The following SORCS3 variants were observed in gnomAD, a reference collection of about 807,000 sequenced individuals.
SORCS3 encodes the protein VPS10 domain-containing receptor SorCS3.
SORCS3 carries 57 observed loss-of-function variants against 146.3 expected under a neutral mutation model. The ratio of observed to expected loss-of-function variants is 0.39; its 90% CI spans 0.31 to 0.49. The LOEUF (loss-of-function observed/expected upper bound fraction) is 0.49. Ranked by LOEUF, SORCS3 falls within the 20% of genes least tolerant of loss-of-function variation. The pLI is 0.92. For synonymous variants in SORCS3, 653 were observed against 618.5 expected (o/e 1.06, Z -0.83); for missense variants, 1,341 against 1,575.5 (o/e 0.85, Z 2.52).
chr10:104,918,003 C>T (rs577079620), intron 3 of SORCS3, among the ~76,000 whole-genome samples: 15 of 152,124 alleles, frequency 9.9e-5, no homozygotes, highest in Non-Finnish European at 1.5e-4. Context: ...ACCCAGTAGT[C>T]GAATTGCTTG....
rs200621552 is a variant in SORCS3, at chr10:105,019,118, C to T, written c.955-23937C>T. 3.9e-5 allele frequency among the ~76,000 whole-genome samples: 6 copies of T among 152,196 alleles called. No individual in the cohort carries two copies. The East Asian group carries it at 1.2e-3, about 29-fold the overall frequency. On this transcript the variant is annotated intron_variant, in intron 4 of 26. Coordinates refer to ENST00000369701, the MANE Select transcript of SORCS3 (RefSeq NM_014978.3). ...GTGGCTTGCTAATTCTTCAGATGTCCCTCTTTGCCTCTTCCATTTAAGCTT... is the reference window on the plus strand; with the variant it reads ...GTGGCTTGCTAATTCTTCAGATGTCTCTCTTTGCCTCTTCCATTTAAGCTT...
intron 6 of SORCS3, among the ~76,000 whole-genome samples, chr10:105,100,713 T>C (rs1037415224): frequency 1.3e-5 from 2 of 152,260 alleles, no homozygotes; most frequent in African/African-American, 4.8e-5. Context: ...GATATCATGG[T>C]CTTTCAATTC....
intron 1 of SORCS3, among the ~76,000 whole-genome samples, chr10:104,673,419 CGTGTGTGTGTGT>C (rs61501873): frequency 6.8e-6 from 1 of 146,006 alleles, no homozygotes; most frequent in Non-Finnish European, 1.5e-5. Context: ...TTCTTATTTC[CGTGTGTGTGTGT>C]GTGTGTGTGT....
At chr10:104,828,447 T>C (rs2017963590) in intron 1 of SORCS3, among the ~76,000 whole-genome samples, 1 of 152,138 alleles carries the variant, frequency 6.6e-6, no homozygotes, top group East Asian at 1.9e-4. Context: ...CTGTTTTATA[T>C]GGGCATGGTT....
chr10:104,711,777 G>C (rs1206673405), intron 1 of SORCS3, among the ~76,000 whole-genome samples: 2 of 152,346 alleles, frequency 1.3e-5, no homozygotes, highest in East Asian at 3.9e-4. Context: ...CTGAGTCCAG[G>C]GTATTGTGGC....
intron 20 of SORCS3, among the ~76,000 whole-genome samples, chr10:105,244,150 A>G (rs2056852408): frequency 2.0e-5 from 3 of 152,112 alleles, no homozygotes; most frequent in Admixed American, 2.0e-4. Context: ...ACAGTAGAGA[A>G]TTTGAGAGGG....
chr10:104,715,713 T>C (rs1277322705), intron 1 of SORCS3, among the ~76,000 whole-genome samples: 1 of 152,208 alleles, frequency 6.6e-6, no homozygotes, highest in Non-Finnish European at 1.5e-5. Context: ...AACATAGTAG[T>C]AGAAAACTAT....
chr10:104,987,619 A>C (rs547380031), intron 4 of SORCS3, among the ~76,000 whole-genome samples: 4 of 152,116 alleles, frequency 2.6e-5, no homozygotes, highest in African/African-American at 9.6e-5. Flanking sequence ...TCCTTTTAGA[A>C]CTCTGAAATT....
At chr10:105,138,021 C>T (rs757178587) in intron 7 of SORCS3, among the ~76,000 whole-genome samples, 1 of 152,194 alleles carries the variant, frequency 6.6e-6, no homozygotes, top group Non-Finnish European at 1.5e-5. Flanking sequence ...ACACCCACCT[C>T]TAAGCCAACA....
intron 4 of SORCS3, among the ~76,000 whole-genome samples, chr10:105,003,303 A>G (rs1460412454): frequency 6.6e-6 from 1 of 152,166 alleles, no homozygotes; most frequent in Non-Finnish European, 1.5e-5. Flanking sequence ...GGAGCAGTGG[A>G]CAGCCTGTTC....
intron 1 of SORCS3, among the ~76,000 whole-genome samples, chr10:104,703,906 A>G (rs948954537): frequency 1.3e-5 from 2 of 151,756 alleles, no homozygotes; most frequent in South Asian, 2.1e-4. Flanking sequence ...ATTTTGAAAC[A>G]TTGTCAGCAA....
chr10:104,685,896 A>G (rs2016037897), intron 1 of SORCS3, among the ~76,000 whole-genome samples: 1 of 152,172 alleles, frequency 6.6e-6, no homozygotes, highest in Non-Finnish European at 1.5e-5. Context: ...GAACTGAGAT[A>G]GGATAAGTTT....
chr10:105,153,992 C>A (rs2056187175), intron 9 of SORCS3, among the ~76,000 whole-genome samples: 1 of 145,130 alleles, frequency 6.9e-6, no homozygotes, highest in South Asian at 2.2e-4. Context: ...ATTGCCTGAA[C>A]CCAGGAGGCA....
intron 4 of SORCS3, among the ~76,000 whole-genome samples, chr10:105,004,251 C>G (rs989429943): frequency 1.3e-5 from 2 of 152,138 alleles, no homozygotes; most frequent in African/African-American, 4.8e-5. Context: ...ACCAGCCAGG[C>G]TCTGCCTGGG....
intron 15 of SORCS3, among the ~76,000 whole-genome samples, chr10:105,200,391 C>G (rs981800039): frequency 6.6e-6 from 1 of 152,138 alleles, no homozygotes; most frequent in Admixed American, 6.5e-5. Context: ...GGTTTTAGCT[C>G]TATCCATGGA....
chr10:104,909,132 C>T (rs1000186663), intron 2 of SORCS3, among the ~76,000 whole-genome samples: 19 of 152,128 alleles, frequency 1.2e-4, no homozygotes, highest in African/African-American at 4.6e-4. Context: ...GCAAAAGCAC[C>T]CTTTCATTTT....
chr10:104,744,425 G>T (rs1300188774), intron 1 of SORCS3, among the ~76,000 whole-genome samples: 1 of 152,060 alleles, frequency 6.6e-6, no homozygotes, highest in Non-Finnish European at 1.5e-5. Flanking sequence ...TAATTATAAT[G>T]CTATTTTTAT....
chr10:105,000,260 G>A (rs980155253), intron 4 of SORCS3, among the ~76,000 whole-genome samples: 63 of 152,002 alleles, frequency 4.1e-4, no homozygotes, highest in Non-Finnish European at 3.7e-4. Context: ...CTATCTAATT[G>A]TAATATTCTA....
At chr10:105,022,505 G>A (rs1442177589) in intron 4 of SORCS3, among the ~76,000 whole-genome samples, 1 of 151,728 alleles carries the variant, frequency 6.6e-6, no homozygotes, top group South Asian at 2.1e-4. Flanking sequence ...TTTTTACTAT[G>A]ATGGCCAGGC....
Sources: gnomAD v4.1 joint callset for allele counts (sites outside exome capture counted in the v4.1 genomes callset) on GRCh38, gnomAD v4.1.1 for gene constraint, MANE v1.5 for transcripts, NCBI Gene and HGNC (gene_info 2026-07-23, HGNC 2026-07-21) for gene names.